Variants in TGFBRAP1 observed in about 807,000 individuals in gnomAD.
TGFBRAP1 encodes transforming growth factor beta receptor associated protein 1.
TGFBRAP1 carries 20 observed loss-of-function variants against 83.2 expected under a neutral mutation model. The observed-to-expected ratio is 0.24, with a 90% CI of 0.17 to 0.35. The LOEUF is 0.35. Ranked by LOEUF, TGFBRAP1 falls within the 10% of genes least tolerant of loss-of-function variation. TGFBRAP1 has a pLI of 1.00. For missense variants in TGFBRAP1, 950 were observed against 1,099.4 expected (o/e 0.86, Z 1.92); for synonymous variants, 415 against 459.8 (o/e 0.90, Z 1.25).
chr2:105,278,069 TGTGTGTG>T (rs1355050961), intron 6 of TGFBRAP1, among the ~76,000 whole-genome samples: 31 of 6,586 alleles, frequency 4.7e-3, no homozygotes, highest in African/African-American at 0.023. Flanking sequence ...AAAAAATATA[TGTGTGTG>T]TGTGTGTGTG....
Position 105,296,492 on chromosome 2 carries a change from G to A in TGFBRAP1, c.902C>T (p.Thr301Ile), listed in dbSNP as rs78999474. 1.2e-6 allele frequency: 2 copies of A among 1,611,996 alleles called. No homozygotes were observed. Among genetic ancestry groups the A allele is most frequent in the East Asian group, 2.2e-5 (1 of 44,830 alleles). ...QDFEGRVIVATSKGVYILVPL... is the reference protein window; with the variant it reads ...QDFEGRVIVAISKGVYILVPL... ...AACCAAGATGTAAACTCCTTTACTTGTGGCAACGATCACTCTTCCTGTGAA... is the reference window on the plus strand; with the variant it reads ...AACCAAGATGTAAACTCCTTTACTTATGGCAACGATCACTCTTCCTGTGAA... Residue 301 changes from threonine to isoleucine, a missense_variant, in exon 4 of 12, where the codon ACA (threonine) becomes ATA (isoleucine). Coordinates refer to ENST00000393359, the MANE Select transcript of TGFBRAP1 (RefSeq NM_004257.6).
At chr2:105,322,920 G>A (rs1487154355) in intron 1 of TGFBRAP1, among the ~76,000 whole-genome samples, 1 of 152,116 alleles carries the variant, frequency 6.6e-6, no homozygotes, top group Non-Finnish European at 1.5e-5. Flanking sequence ...GACGGATGGG[G>A]GGCAGACAGA....
chr2:105,274,877 A>G (rs942287613), intron 8 of TGFBRAP1, among the ~76,000 whole-genome samples: 6 of 152,170 alleles, frequency 3.9e-5, no homozygotes, highest in African/African-American at 1.4e-4. Context: ...CTCCAAGGGG[A>G]GCCATGGAAG....
chr2:105,251,270 C>G, the TGFBRAP1 span, among the ~76,000 whole-genome samples: 1 of 146,388 alleles, frequency 6.8e-6, no homozygotes, highest in African/African-American at 2.6e-5. Context: ...GGCTGCCCAT[C>G]GTCTGGGATG....
chr2:105,312,717 C>T (rs1206039509), intron 1 of TGFBRAP1, among the ~76,000 whole-genome samples: 1 of 152,218 alleles, frequency 6.6e-6, no homozygotes, highest in Non-Finnish European at 1.5e-5. Context: ...GAATCTTAGT[C>T]AGCATCTTTA....
At chr2:105,275,353 G>A (rs1328959003) in intron 8 of TGFBRAP1, among the ~76,000 whole-genome samples, 3 of 152,240 alleles carry the variant, frequency 2.0e-5, no homozygotes, top group African/African-American at 4.8e-5. Context: ...TCAATGGAAT[G>A]TCTCAGCAGC....
intron 2 of TGFBRAP1, among the ~76,000 whole-genome samples, chr2:105,305,812 C>T (rs571755385): frequency 2.0e-5 from 3 of 151,940 alleles, no homozygotes; most frequent in African/African-American, 4.8e-5. Flanking sequence ...CCCACCACCA[C>T]ACCAGGCTAA....
chr2:105,329,558 C>G (rs1250053995), intron 1 of TGFBRAP1, 67 bp downstream of exon 1: 6 of 147,880 alleles, frequency 4.1e-5, no homozygotes, highest in African/African-American at 1.5e-4. Context: ...CTGCTCCCCG[C>G]CCTCCTGCCC....
intron 1 of TGFBRAP1, 57 bp from the exon 2 acceptor site, chr2:105,308,375 G>A: frequency 1.4e-6 from 2 of 1,447,234 alleles, no homozygotes; most frequent in South Asian, 2.8e-5. Context: ...CAGAAACAGA[G>A]GCTGCAATAA....
chr2:105,300,633 C>T (rs187991897), intron 2 of TGFBRAP1, among the ~76,000 whole-genome samples: 43 of 151,986 alleles, frequency 2.8e-4, no homozygotes, highest in African/African-American at 9.4e-4. Context: ...GACGGGGTTT[C>T]GCCACGTTGG....
chr2:105,329,186 C>T (rs1679300237), intron 1 of TGFBRAP1, among the ~76,000 whole-genome samples: 1 of 152,096 alleles, frequency 6.6e-6, no homozygotes, highest in Non-Finnish European at 1.5e-5. Flanking sequence ...AAAACCATTC[C>T]ATACCAGGGA....
chr2:105,275,502 G>A (rs1677307919), intron 8 of TGFBRAP1, 58 bp downstream of exon 8: 7 of 1,588,750 alleles, frequency 4.4e-6, no homozygotes, highest in Middle Eastern at 1.7e-4. Flanking sequence ...AAAGCTTTTG[G>A]GGTCTGTTTT....
intron 5 of TGFBRAP1, among the ~76,000 whole-genome samples, chr2:105,282,341 T>C (rs536553050): frequency 4.6e-5 from 7 of 152,332 alleles, no homozygotes; most frequent in Admixed American, 2.0e-4. Flanking sequence ...CCCCAGGTTA[T>C]GTATGATCAA....
downstream of TGFBRAP1, among the ~76,000 whole-genome samples, chr2:105,260,826 T>A (rs1162138705): frequency 6.6e-6 from 1 of 152,242 alleles, no homozygotes; most frequent in Non-Finnish European, 1.5e-5. Flanking sequence ...AAAATGCACT[T>A]AAATATAGCC....
chr2:105,280,089 AC>A (rs1156935942), intron 6 of TGFBRAP1, among the ~76,000 whole-genome samples: 1 of 152,014 alleles, frequency 6.6e-6, no homozygotes, highest in Non-Finnish European at 1.5e-5. Context: ...AACTTCATTT[AC>A]TCACAAAGCA....
chr2:105,328,533 G>A (rs75192400), intron 1 of TGFBRAP1, among the ~76,000 whole-genome samples: 5,521 of 152,300 alleles, frequency 0.036, 187 homozygotes, highest in East Asian at 0.15. Context: ...TCCACCATGA[G>A]AGAGTAGCAG....
intron 1 of TGFBRAP1, among the ~76,000 whole-genome samples, chr2:105,325,323 C>T (rs1024824128): frequency 2.6e-5 from 4 of 152,098 alleles, no homozygotes; most frequent in African/African-American, 7.2e-5. Context: ...ACTGCACACT[C>T]GATATAGCAT....
At chr2:105,309,053 T>C (rs1222933468) in intron 1 of TGFBRAP1, among the ~76,000 whole-genome samples, 1 of 152,212 alleles carries the variant, frequency 6.6e-6, no homozygotes, top group East Asian at 1.9e-4. Flanking sequence ...ATTTAGTGGA[T>C]GTGTGGACCG....
chr2:105,298,711 A>C lies in TGFBRAP1; in HGVS notation c.689-6T>G, dbSNP rs375639571. ...TGCGACTGTGGCAAACATGCCTAGA[A>C]GTAAGAAGAAAGAGTTAGGTAGGCT... On this transcript the variant is annotated splice_region_variant and splice_polypyrimidine_tract_variant and intron_variant, in intron 2 of 11. Coordinates refer to ENST00000393359, the MANE Select transcript of TGFBRAP1 (RefSeq NM_004257.6). 13 of 1,563,408 alleles carry C rather than the reference A, an allele frequency of 8.3e-6. No homozygotes were observed. The highest frequency in any genetic ancestry group is 9.6e-6 in the Non-Finnish European group (11 of 1,148,670).
Sources: allele counts gnomAD v4.1 joint callset (sites outside exome capture counted in the v4.1 genomes callset), GRCh38; gene constraint gnomAD v4.1.1; transcripts MANE v1.5; gene names NCBI Gene and HGNC (gene_info 2026-07-23, HGNC 2026-07-21).